The following SLC25A12 variants were observed in gnomAD, a reference collection of about 807,000 sequenced individuals.
SLC25A12 encodes the protein electrogenic aspartate/glutamate antiporter SLC25A12, mitochondrial.
SLC25A12 carries 32 observed loss-of-function variants against 83.3 expected under a neutral mutation model. The ratio of observed to expected loss-of-function variants is 0.38; its 90% CI spans 0.29 to 0.52. The LOEUF (loss-of-function observed/expected upper bound fraction) is 0.52. Ranked by LOEUF, SLC25A12 falls within the 20% of genes least tolerant of loss-of-function variation. The pLI, the probability that SLC25A12 is intolerant of heterozygous loss-of-function variation, is 0.84. For synonymous variants in SLC25A12, 267 were observed against 291.1 expected, an observed-to-expected ratio of 0.92 and a Z score of 0.84; for missense variants, 611 against 835.6, an observed-to-expected ratio of 0.73 and a Z score of 3.31.
intron 2 of SLC25A12, among the ~76,000 whole-genome samples, chr2:171,891,121 A>G (rs1685925555): frequency 6.6e-6 from 1 of 152,162 alleles, no homozygotes; most frequent in Non-Finnish European, 1.5e-5. Flanking sequence ...CCTGGCTAAC[A>G]TGGTGAAACC....
Position 171,785,331 on chromosome 2 carries a change from A to T in SLC25A12, c.1980T>A (p.Phe660Leu). 1 of 1,614,192 alleles carries T rather than the reference A, an allele frequency of 6.2e-7. No homozygotes were observed. Among genetic ancestry groups the T allele is most frequent in the Non-Finnish European group, 8.5e-7 (1 of 1,180,038 alleles). ...GAACCACAGCAACACTAGGAGACTT[A>T]AATTTCGGGAGATAAAGGCCAAATT... Reference protein sequence around the residue: ...ENKFGLYLPKFKSPSVAVVQP... With the variant: ...ENKFGLYLPKLKSPSVAVVQP... Residue 660 changes from phenylalanine to leucine, a missense_variant, in exon 18 of 18, where the codon TTT becomes TTA. Phe to Leu is a conservative substitution (Grantham distance 22). Coordinates refer to ENST00000422440, the MANE Select transcript of SLC25A12 (RefSeq NM_003705.5).
intron 2 of SLC25A12, among the ~76,000 whole-genome samples, chr2:171,878,699 C>T (rs1480541137): frequency 6.6e-6 from 1 of 152,214 alleles, no homozygotes; most frequent in Non-Finnish European, 1.5e-5. Flanking sequence ...TCTTAACATC[C>T]TTTCAATTTC....
rs1269217214 is a variant in SLC25A12, at chr2:171,866,663, G to A, written c.209+2018C>T. 7.5e-5 allele frequency among the ~76,000 whole-genome samples: 10 copies of A among 132,488 alleles called. No individual in the cohort carries two copies. The East Asian group carries it at 1.6e-3, about 22-fold the overall frequency. 86.9% of individuals were successfully genotyped at this position (132,488 alleles called of 152,430 possible). On this transcript the variant is annotated intron_variant, in intron 3 of 17. Transcript: ENST00000422440. ...TGACCCCCCCACCTCCCTCCCGAAC[G>A]GGGCGGCTGGCTGTGCAGAGGGGCT...
rs574340739 is a variant in SLC25A12 at position 171,830,542 on chromosome 2, C to T, written c.845+3421G>A. 2.6e-5 allele frequency among the ~76,000 whole-genome samples: 4 copies of T among 151,894 alleles called. No homozygotes were observed. The East Asian group carries it at 7.7e-4, about 29-fold the overall frequency. ...TATTTTTTTTTTCTTGAAATGGAAT[C>T]TCATAATGTTGCCCAGGCTGGAATG... On this transcript the variant is annotated intron_variant, in intron 8 of 17. Coordinates refer to ENST00000422440, the MANE Select transcript of SLC25A12 (RefSeq NM_003705.5).
In SLC25A12 at chr2:171,826,853, A is replaced by G. The variant is rs753494332; in HGVS notation, c.875T>C (p.Ile292Thr). ...TAAGGCCCCCTCAGCCAATGGGGCT[A>G]TTCTCTCAATATCTGCCAAAGTCAA... ...GRLTLADIER[I>T]APLAEGALPY... The change falls in exon 9 of 18, where the codon ATA (isoleucine) becomes ACA (threonine). Residue 292 changes from isoleucine (I) to threonine (T), a missense_variant. Transcript: ENST00000422440. 1 of 1,611,050 alleles carries G rather than the reference A, an allele frequency of 6.2e-7. No individual in the cohort carries two copies. Among genetic ancestry groups the G allele is most frequent in the Non-Finnish European group, 8.5e-7 (1 of 1,177,348 alleles).
At chr2:171,874,674 C>T in intron 2 of SLC25A12, among the ~76,000 whole-genome samples, 1 of 152,120 alleles carries the variant, frequency 6.6e-6, no homozygotes, top group Admixed American at 6.6e-5. Context: ...TGTATGGCAT[C>T]TACTTCATAG....
chr2:171,796,798 T>G (rs1022470212), intron 13 of SLC25A12, among the ~76,000 whole-genome samples: 1 of 152,232 alleles, frequency 6.6e-6, no homozygotes, highest in Non-Finnish European at 1.5e-5. Context: ...ATAATTTGTC[T>G]AAAACTCTGG....
chr2:171,890,199 G>C (rs1685901769), intron 2 of SLC25A12, among the ~76,000 whole-genome samples: 1 of 152,190 alleles, frequency 6.6e-6, no homozygotes, highest in South Asian at 2.1e-4. Context: ...TTGAATAAAA[G>C]TGCATGGTAC....
At chr2:171,820,610 C>A (rs1179888939) in intron 9 of SLC25A12, among the ~76,000 whole-genome samples, 2 of 134,578 alleles carry the variant, frequency 1.5e-5, no homozygotes, top group Admixed American at 7.4e-5. Context: ...CGCCTGTAGT[C>A]CCAGCTGCTT....
rs567415577 is a variant in SLC25A12 at position 171,867,426 on chromosome 2, C to T, written c.209+1255G>A. Among the ~76,000 whole-genome samples, 47 of 152,290 alleles carry T rather than the reference C, an allele frequency of 3.1e-4. No homozygotes were observed. In the East Asian group the frequency reaches 9.1e-3, roughly 29 times the overall value. Reference sequence around the variant, plus strand: ...CTGGCGGATCACTCGCGGTTAGGAGCTGGAGACCAGCCCGGCCAACACAGC... The same window carrying T: ...CTGGCGGATCACTCGCGGTTAGGAGTTGGAGACCAGCCCGGCCAACACAGC... On this transcript the variant is annotated intron_variant, in intron 3 of 17. Transcript: ENST00000422440.
At chr2:171,816,808 C>T (rs999240958) in intron 9 of SLC25A12, among the ~76,000 whole-genome samples, 2 of 152,128 alleles carry the variant, frequency 1.3e-5, no homozygotes, top group East Asian at 3.9e-4. Context: ...CCTTTCAAGG[C>T]AATGATGATA....
chr2:171,888,879 T>C (rs17499864), intron 2 of SLC25A12, among the ~76,000 whole-genome samples: 1,821 of 151,980 alleles, frequency 0.012, 17 homozygotes, highest in Middle Eastern at 0.061. Flanking sequence ...TTACAAAGAG[T>C]TTTCAACTGT....
At chr2:171,827,295 A>C (rs1282826704) in intron 8 of SLC25A12, among the ~76,000 whole-genome samples, 1 of 145,850 alleles carries the variant, frequency 6.9e-6, no homozygotes, top group Admixed American at 6.7e-5. Context: ...CAAGGGTATG[A>C]GGGAGACTTT....
intron 3 of SLC25A12, among the ~76,000 whole-genome samples, chr2:171,868,088 C>A (rs1470762270): frequency 6.6e-6 from 1 of 152,064 alleles, no homozygotes; most frequent in Non-Finnish European, 1.5e-5. Context: ...CCTCGTGATC[C>A]ACCCACTTGG....
chr2:171,802,118 C>T (rs1683720288), intron 13 of SLC25A12, among the ~76,000 whole-genome samples: 1 of 152,128 alleles, frequency 6.6e-6, no homozygotes, highest in Non-Finnish European at 1.5e-5. Flanking sequence ...TGTATACACA[C>T]ACATACAATC....
At chr2:171,791,758 C>T (rs543431258) in intron 14 of SLC25A12, among the ~76,000 whole-genome samples, 169 bp from the exon 15 acceptor site, 6 of 152,026 alleles carry the variant, frequency 3.9e-5, no homozygotes, top group African/African-American at 1.4e-4. Flanking sequence ...ATGGGGGAGG[C>T]GGGAGATAAG....
intron 9 of SLC25A12, among the ~76,000 whole-genome samples, chr2:171,819,114 TATATA>T (rs1194929632): frequency 7.2e-6 from 1 of 139,768 alleles, no homozygotes; most frequent in Non-Finnish European, 1.5e-5. Context: ...ATAAAATATA[TATATA>T]ATATATAATA....
intron 5 of SLC25A12, among the ~76,000 whole-genome samples, chr2:171,838,825 G>C (rs2105890480): frequency 6.6e-6 from 1 of 152,280 alleles, no homozygotes; most frequent in East Asian, 1.9e-4. Flanking sequence ...GCAGGGTGGA[G>C]GGTATAGATA....
chr2:171,858,356 A>T (rs1685086944), intron 3 of SLC25A12, among the ~76,000 whole-genome samples: 1 of 152,234 alleles, frequency 6.6e-6, no homozygotes, highest in Non-Finnish European at 1.5e-5. Flanking sequence ...CAATAATTTT[A>T]AAAATAAAAA....
Sources: gnomAD v4.1 joint callset for allele counts (sites outside exome capture counted in the v4.1 genomes callset) on GRCh38, gnomAD v4.1.1 for gene constraint, MANE v1.5 for transcripts, NCBI Gene and HGNC (gene_info 2026-07-23, HGNC 2026-07-21) for gene names.